The following DHX32 variants were observed in gnomAD, a reference collection of about 807,000 sequenced individuals.
DHX32 encodes the protein DEAH-box helicase 32 (putative), also known as putative pre-mRNA-splicing factor ATP-dependent RNA helicase DHX32.
A neutral mutation model predicts 70.0 loss-of-function variants in DHX32; 51 were observed. The ratio of observed to expected loss-of-function variants is 0.73; its 90% CI spans 0.58 to 0.92. The LOEUF (loss-of-function observed/expected upper bound fraction) is 0.92, where lower values mean the gene tolerates loss of function less well. DHX32 is among the 40% of genes least tolerant of loss of function. DHX32 has a pLI of 0.00. For missense variants in DHX32, 762 were observed against 891.8 expected, an observed-to-expected ratio of 0.85 and a Z score of 1.85; for synonymous variants, 310 against 315.3, an observed-to-expected ratio of 0.98 and a Z score of 0.18.
chr10:125,853,897 G>C, intron 4 of DHX32, 64 bp downstream of exon 4: 1 of 1,555,592 alleles, frequency 6.4e-7, no homozygotes, highest in Non-Finnish European at 8.7e-7. Flanking sequence ...AAAATGGTAG[G>C]AAACTGAGAA....
intron 6 of DHX32, among the ~76,000 whole-genome samples, chr10:125,848,386 A>G (rs1048448224): frequency 1.3e-5 from 2 of 152,194 alleles, no homozygotes; most frequent in Non-Finnish European, 2.9e-5. Context: ...GTACCTCTAA[A>G]TAACCCCAGG....
intron 2 of DHX32, among the ~76,000 whole-genome samples, chr10:125,860,902 G>A (rs1177293358): frequency 6.6e-6 from 1 of 151,452 alleles, no homozygotes; most frequent in Non-Finnish European, 1.5e-5. Context: ...ACAGGCGCCC[G>A]CCACCACGCC....
chr10:125,873,875 T>C (rs1944269410), intron 1 of DHX32, among the ~76,000 whole-genome samples: 1 of 152,210 alleles, frequency 6.6e-6, no homozygotes. Context: ...ACTCAGTCAA[T>C]AGAAGTACAG....
At chr10:125,877,205 C>A (rs1182225903) in intron 1 of DHX32, among the ~76,000 whole-genome samples, 3 of 152,172 alleles carry the variant, frequency 2.0e-5, no homozygotes, top group African/African-American at 7.2e-5. Context: ...TATTTGTCCA[C>A]AGAAACTAGG....
At position 125,836,732 on chromosome 10, in the gene DHX32, C is replaced by T. The variant is rs142010622; in HGVS notation, c.2187G>A (p.Met729Ile). 1.8e-5 allele frequency: 29 copies of T among 1,614,208 alleles called. No homozygotes were observed. In the African/African-American group the frequency reaches 2.3e-4, roughly 13 times the overall value. ...PVSTMNKEQQ[M>I]CETCPETEQR... Reference sequence around the variant, plus strand: ...GTTCAGTTTCAGGGCACGTCTCACACATTTGCTGTTCCTTATTCATTGTTG... The same window carrying T: ...GTTCAGTTTCAGGGCACGTCTCACATATTTGCTGTTCCTTATTCATTGTTG... The change falls in exon 11 of 11, where the codon ATG (methionine) becomes ATA (isoleucine). Residue 729 changes from methionine (M) to isoleucine (I), a missense_variant. By Grantham distance (10) the Met-to-Ile change is conservative. This residue lies in a region of DHX32 where 366 missense variants were observed against 402.6 expected (regional missense o/e 0.91). Coordinates refer to ENST00000284690, the MANE Select transcript of DHX32 (RefSeq NM_018180.3).
At chr10:125,838,947 T>C (rs1245408984) in intron 9 of DHX32, 54 bp downstream of exon 9, 1 of 1,535,828 alleles carries the variant, frequency 6.5e-7, no homozygotes, top group African/African-American at 1.4e-5. Flanking sequence ...CAGCATATCC[T>C]GAGTATGTGC....
Position 125,866,585 on chromosome 10 carries a change from C to T in DHX32, c.476+405G>A, listed in dbSNP as rs914350447. ...GTGACTAGGAGGAACTAGCCGGGCC[C>T]GGACATGCTGAGCACAGGGAGGGGC... is the stretch of plus-strand genomic sequence containing the variant. On this transcript the variant is annotated intron_variant, in intron 2 of 10. Transcript: ENST00000284690. The surrounding 1 kb of genome is among the most constrained non-coding windows in gnomAD (Gnocchi z 4.8). Among the ~76,000 whole-genome samples, 3 of 152,194 alleles carry T rather than the reference C, an allele frequency of 2.0e-5. No individual in the cohort carries two copies. The highest frequency in any genetic ancestry group is 6.5e-5 in the Admixed American group (1 of 15,280).
At chr10:125,853,186 A>T (rs1465370687) in intron 4 of DHX32, 1 of 1,613,364 alleles carries the variant, frequency 6.2e-7, no homozygotes, top group Non-Finnish European at 8.5e-7. Context: ...TTCAATCAAG[A>T]TCAACTCTAA....
intron 4 of DHX32, chr10:125,853,310 G>A: frequency 6.9e-6 from 6 of 867,710 alleles, no homozygotes; most frequent in Non-Finnish European, 1.0e-5. Context: ...ACCTAGTAAT[G>A]GTAAATTAGT....
At chr10:125,844,155 T>C (rs1854950999) in intron 6 of DHX32, among the ~76,000 whole-genome samples, 1 of 151,458 alleles carries the variant, frequency 6.6e-6, no homozygotes, top group African/African-American at 2.4e-5. Flanking sequence ...AGTTCAAGAG[T>C]TCTATCAGTG....
chr10:125,850,202 C>T (rs971447119), intron 6 of DHX32, among the ~76,000 whole-genome samples: 2 of 151,552 alleles, frequency 1.3e-5, no homozygotes, highest in African/African-American at 4.9e-5. Flanking sequence ...GTCTTGAATT[C>T]CTGGCCCTCA....
Position 125,836,645 on chromosome 10 carries a change from G to C in DHX32, c.*42C>G. On this transcript the variant is annotated 3_prime_UTR_variant, in exon 11 of 11. Coordinates refer to ENST00000284690, the MANE Select transcript of DHX32 (RefSeq NM_018180.3). ...CCATATCCAGCAGTTCAGCCATCCA[G>C]CTACCTTTGGGACCCTGCTGCACCT... is the stretch of plus-strand genomic sequence containing the variant. The C allele has an allele frequency of 6.3e-7, 1 of 1,595,776 alleles. No individual in the cohort carries two copies. Among genetic ancestry groups the C allele is most frequent in the Non-Finnish European group, 8.6e-7 (1 of 1,169,430 alleles).
intron 6 of DHX32, among the ~76,000 whole-genome samples, chr10:125,850,808 G>A (rs1273224847): frequency 1.3e-5 from 2 of 152,190 alleles, no homozygotes; most frequent in African/African-American, 2.4e-5. Flanking sequence ...ACCAAAATGA[G>A]TTCTGCCTCT....
rs1944221803 is a variant in DHX32, at chr10:125,866,625, A to G, written c.476+365T>C. ...CAGGGAGGGGCAGGTGTACAGGCAC[A>G]GGGTGTGGAAAGCACAGGGCACACA... On this transcript the variant is annotated intron_variant, in intron 2 of 10. Coordinates refer to ENST00000284690, the MANE Select transcript of DHX32 (RefSeq NM_018180.3). The surrounding 1 kb of genome is among the most constrained non-coding windows in gnomAD (Gnocchi z 4.8). 6.6e-6 allele frequency among the ~76,000 whole-genome samples: 1 copy of G among 152,244 alleles called. No individual in the cohort carries two copies. The highest frequency in any genetic ancestry group is 1.5e-5 in the Non-Finnish European group (1 of 68,050).
intron 1 of DHX32, among the ~76,000 whole-genome samples, chr10:125,868,071 C>A (rs1247617552): frequency 6.6e-6 from 1 of 151,858 alleles, no homozygotes; most frequent in Non-Finnish European, 1.5e-5. Context: ...ATAAATAAAC[C>A]CATCTAAATA....
At chr10:125,872,226 A>G (rs1460340507) in intron 1 of DHX32, among the ~76,000 whole-genome samples, 5 of 152,092 alleles carry the variant, frequency 3.3e-5, no homozygotes, top group Non-Finnish European at 7.4e-5. Flanking sequence ...TCTTCTCACC[A>G]ATGACTTACA....
chr10:125,880,750 G>A lies in DHX32; in HGVS notation c.75C>T (p.Ser25=), dbSNP rs761025080. 1.9e-6 allele frequency: 3 copies of A among 1,614,098 alleles called. No homozygotes were observed. The highest frequency in any genetic ancestry group is 2.2e-5 in the East Asian group (1 of 44,884). Residue 25 remains serine (S), a synonymous_variant, in exon 1 of 11, where the codon AGC becomes AGT. Coordinates refer to ENST00000284690, the MANE Select transcript of DHX32 (RefSeq NM_018180.3). ...CCAAAACCTCTTCCTCATCCCCATCGCTGGAATCCAGGGATTCAGGAAAAT... is the reference window on the plus strand; with the variant it reads ...CCAAAACCTCTTCCTCATCCCCATCACTGGAATCCAGGGATTCAGGAAAAT... The part of the protein sequence containing the change: ...KRYFPESLDS[S]DGDEEEVLAC...
chr10:125,867,678 G>A (rs1046925253), intron 1 of DHX32, among the ~76,000 whole-genome samples: 2 of 149,908 alleles, frequency 1.3e-5, no homozygotes, highest in Non-Finnish European at 3.0e-5. Flanking sequence ...GGAGCTTGCA[G>A]TGAGCAGAGA....
intron 6 of DHX32, among the ~76,000 whole-genome samples, chr10:125,846,753 G>A (rs114933234): frequency 0.014 from 2,095 of 152,244 alleles, 52 homozygotes; most frequent in African/African-American, 0.046. Context: ...CCAGTCACAG[G>A]GGACTGGTTC....
Sources: gnomAD v4.1 joint callset for allele counts (sites outside exome capture counted in the v4.1 genomes callset) on GRCh38, gnomAD v4.1.1 for gene constraint, gnomAD v4.1.1 regional missense constraint, Gnocchi (gnomAD v3.1) non-coding constraint, MANE v1.5 for transcripts, NCBI Gene and HGNC (gene_info 2026-07-23, HGNC 2026-07-21) for gene names.